PRTFDC1: variants seen among roughly 807,000 people sequenced by gnomAD.
PRTFDC1 encodes phosphoribosyltransferase domain-containing protein 1.
In PRTFDC1, 38 loss-of-function variants were observed where a neutral mutation model predicts 34.6. The ratio of observed to expected loss-of-function variants is 1.10; its 90% confidence interval spans 0.85 to 1.44. The LOEUF (loss-of-function observed/expected upper bound fraction) is 1.44. Among genes scored for constraint, PRTFDC1 ranks in the 40% most tolerant of loss-of-function variants. The pLI is 0.00. For missense variants in PRTFDC1, 270 were observed against 283.0 expected (o/e 0.95, Z 0.33); for synonymous variants, 93 against 98.1 (o/e 0.95, Z 0.31).
At chr10:24,927,843 G>A (rs537027789) in intron 3 of PRTFDC1, among the ~76,000 whole-genome samples, 1 of 131,878 alleles carries the variant, frequency 7.6e-6, no homozygotes, top group Non-Finnish European at 1.6e-5. Context: ...GCCTCCCAAA[G>A]TGCTGGGATC....
chr10:24,925,140 T>C (rs1335101047), intron 3 of PRTFDC1, among the ~76,000 whole-genome samples: 1 of 152,188 alleles, frequency 6.6e-6, no homozygotes, highest in Non-Finnish European at 1.5e-5. Flanking sequence ...TATGCAGCCA[T>C]AAAAAAGGAT....
chr10:24,940,426 C>T (rs1199777549), intron 2 of PRTFDC1, among the ~76,000 whole-genome samples: 2 of 152,084 alleles, frequency 1.3e-5, no homozygotes, highest in African/African-American at 4.8e-5. Context: ...TTGAAAAGAC[C>T]TCTCTCCAAA....
At chr10:24,865,684 T>G (rs572481377) in intron 4 of PRTFDC1, among the ~76,000 whole-genome samples, 1 of 152,326 alleles carries the variant, frequency 6.6e-6, no homozygotes, top group Admixed American at 6.5e-5. Context: ...TGCACAAACC[T>G]ACATGATATT....
chr10:24,895,709 A>ATCTATATATC (rs1555048863), intron 3 of PRTFDC1, among the ~76,000 whole-genome samples: 1 of 137,408 alleles, frequency 7.3e-6, no homozygotes, highest in Non-Finnish European at 1.6e-5. Flanking sequence ...ATATATATAT[A>ATCTATATATC]TATATATATA....
intron 4 of PRTFDC1, among the ~76,000 whole-genome samples, chr10:24,867,024 AAGAG>A (rs1001686392): frequency 1.3e-5 from 2 of 151,352 alleles, no homozygotes; most frequent in African/African-American, 2.4e-5. Flanking sequence ...AAGAAAGAAA[AAGAG>A]AGATGGAGGG....
chr10:24,880,864 TTTCTTTC>T, intron 3 of PRTFDC1, among the ~76,000 whole-genome samples: 1 of 145,318 alleles, frequency 6.9e-6, no homozygotes, highest in African/African-American at 2.7e-5. Context: ...TCTTTCTTTC[TTTCTTTC>T]TTTCTTTCCC....
intron 8 of PRTFDC1, among the ~76,000 whole-genome samples, 153 bp from the exon 9 acceptor site, chr10:24,850,044 G>C (rs1228651217): frequency 6.6e-6 from 1 of 152,148 alleles, no homozygotes; most frequent in African/African-American, 2.4e-5. Context: ...AAAATCTAAA[G>C]AGACCCATTC....
intron 3 of PRTFDC1, chr10:24,908,677 A>G (rs1256662646): frequency 1.2e-6 from 2 of 1,602,590 alleles, no homozygotes; most frequent in Admixed American, 3.4e-5. Context: ...TCTTCAACCG[A>G]GCACGCAGCT....
intron 3 of PRTFDC1, among the ~76,000 whole-genome samples, chr10:24,886,762 C>G (rs1848171903): frequency 6.6e-6 from 1 of 152,052 alleles, no homozygotes; most frequent in Admixed American, 6.5e-5. Flanking sequence ...CAGGTGCGTG[C>G]CACCATGCCC....
intron 3 of PRTFDC1, among the ~76,000 whole-genome samples, chr10:24,886,039 T>G (rs1848158605): frequency 6.6e-6 from 1 of 152,190 alleles, no homozygotes; most frequent in Non-Finnish European, 1.5e-5. Context: ...AGTGAAACTA[T>G]CTTGTATGAT....
At chr10:24,862,278 T>C (rs1201188914) in intron 4 of PRTFDC1, among the ~76,000 whole-genome samples, 6 of 152,224 alleles carry the variant, frequency 3.9e-5, no homozygotes, top group African/African-American at 9.6e-5. Context: ...AAATGGCCTT[T>C]GTAGCTGGTT....
chr10:24,893,545 A>G (rs1848300159), intron 3 of PRTFDC1, among the ~76,000 whole-genome samples: 1 of 152,134 alleles, frequency 6.6e-6, no homozygotes, highest in Non-Finnish European at 1.5e-5. Context: ...CCTGGCCTCA[A>G]GTGATCCTCC....
intron 3 of PRTFDC1, among the ~76,000 whole-genome samples, chr10:24,902,231 C>G (rs1375526069): frequency 6.6e-6 from 1 of 151,612 alleles, no homozygotes; most frequent in Non-Finnish European, 1.5e-5. Flanking sequence ...TCCAACTGCT[C>G]TTTTGCAAAG....
intron 3 of PRTFDC1, among the ~76,000 whole-genome samples, chr10:24,929,511 T>C (rs1413845428): frequency 6.6e-6 from 1 of 152,188 alleles, no homozygotes; most frequent in Admixed American, 6.5e-5. Flanking sequence ...TCAAACAACA[T>C]GGGGCAGGAT....
At chr10:24,895,846 A>G (rs1426451157) in intron 3 of PRTFDC1, among the ~76,000 whole-genome samples, 1 of 151,780 alleles carries the variant, frequency 6.6e-6, no homozygotes, top group Non-Finnish European at 1.5e-5. Flanking sequence ...TACAACAATA[A>G]TATGAGTACA....
At chr10:24,921,687 C>T (rs1260101986) in intron 3 of PRTFDC1, among the ~76,000 whole-genome samples, 6 of 139,996 alleles carry the variant, frequency 4.3e-5, no homozygotes, top group African/African-American at 1.6e-4. Context: ...TTGTCAATGT[C>T]TGTTTGAGTT....
At chr10:24,951,968 C>T (rs1849351694) in intron 1 of PRTFDC1, among the ~76,000 whole-genome samples, 1 of 152,352 alleles carries the variant, frequency 6.6e-6, no homozygotes, top group East Asian at 1.9e-4. Flanking sequence ...CAGGAGCCGC[C>T]AGCGTGTCCT....
Position 24,849,823 on chromosome 10 carries a change from T to C in PRTFDC1, c.*21A>G, listed in dbSNP as rs1371336620. ...GTAAATATGATGCTATCTGGGACTT[T>C]AGTGGTGAGAATTCATGTCTTTAGA... On this transcript the variant is annotated 3_prime_UTR_variant, in exon 9 of 9. Coordinates refer to ENST00000320152, the MANE Select transcript of PRTFDC1 (RefSeq NM_020200.7). 16 of 1,612,320 alleles carry C rather than the reference T, an allele frequency of 9.9e-6. No homozygotes were observed. The highest frequency in any genetic ancestry group is 1.3e-5 in the Non-Finnish European group (15 of 1,178,558).
chr10:24,860,499 A>G (rs1326109369), intron 4 of PRTFDC1, among the ~76,000 whole-genome samples: 1 of 152,036 alleles, frequency 6.6e-6, no homozygotes, highest in Admixed American at 6.6e-5. Context: ...CCGACCAACA[A>G]CTCTGTTAAC....
Sources: allele counts gnomAD v4.1 joint callset (sites outside exome capture counted in the v4.1 genomes callset), GRCh38; gene constraint gnomAD v4.1.1; transcripts MANE v1.5; gene names NCBI Gene and HGNC (gene_info 2026-07-23, HGNC 2026-07-21).